Variants in CACNA1C observed in about 807,000 individuals in gnomAD.
CACNA1C encodes the protein voltage-dependent L-type calcium channel subunit alpha-1C.
In CACNA1C, 30 loss-of-function variants were observed where a neutral mutation model predicts 229.0. That is an observed-to-expected ratio of 0.13 (90% CI 0.10 to 0.18). The LOEUF (loss-of-function observed/expected upper bound fraction) is 0.18, where lower values mean the gene tolerates loss of function less well. Among genes scored for constraint, CACNA1C ranks in the 10% least tolerant of loss-of-function variants. The pLI, the probability that CACNA1C is intolerant of heterozygous loss-of-function variation, is 1.00. For missense variants in CACNA1C, 1,658 were observed against 2,845.0 expected (o/e 0.58, Z 9.49); for synonymous variants, 1,114 against 1,132.5 (o/e 0.98, Z 0.33).
chr12:2,547,397 T>C, intron 9 of CACNA1C: 3 of 776,384 alleles, frequency 3.9e-6, no homozygotes, highest in Non-Finnish European at 7.2e-6. Context: ...CTGCGTGTGC[T>C]CTATTGATGT....
At chr12:2,014,934 T>A (rs978772673) in intron 1 of CACNA1C, among the ~76,000 whole-genome samples, 5 of 152,242 alleles carry the variant, frequency 3.3e-5, no homozygotes, top group African/African-American at 1.2e-4. Context: ...AATCCCTTCC[T>A]GCTCACGGAC....
At position 2,543,470 on chromosome 12, in the gene CACNA1C, G is replaced by T. The variant is rs143754200; in HGVS notation, c.1391-6473G>T. ...AACAATTTGGACATTCAGCTTCCTA[G>T]AAGTTTTCCTTGAGGAATCAGCTTT... On this transcript the variant is annotated intron_variant, in intron 9 of 46. Coordinates refer to ENST00000399655, the MANE Select transcript of CACNA1C (RefSeq NM_000719.7). 7.2e-5 allele frequency among the ~76,000 whole-genome samples: 11 copies of T among 152,314 alleles called. No individual in the cohort carries two copies. The East Asian group carries it at 2.1e-3, about 29-fold the overall frequency.
In CACNA1C at chr12:2,692,425, A is replaced by C. The variant is rs929742683; in HGVS notation, c.*1226A>C. ...GTGTGCATATGTCCTGCCCGTGTAT[A>C]TGCACCCACACCATGTGCCCGTGCA... On this transcript the variant is annotated 3_prime_UTR_variant, in exon 47 of 47. Transcript: ENST00000399655. The C allele has an allele frequency of 1.3e-5, 2 of 152,480 alleles. No homozygotes were observed. Among genetic ancestry groups the C allele is most frequent in the Non-Finnish European group, 2.9e-5 (2 of 68,030 alleles). 9.4% of individuals were successfully genotyped at this position (152,480 alleles called of 1,614,324 possible).
intron 5 of CACNA1C, among the ~76,000 whole-genome samples, chr12:2,463,064 C>T (rs2099524381): frequency 2.0e-5 from 3 of 148,002 alleles, no homozygotes; most frequent in Admixed American, 1.4e-4. Context: ...AGGCACCCGC[C>T]ACCACGCCCG....
upstream of CACNA1C, chr12:2,049,118 G>T (rs1423211760): frequency 6.6e-6 from 1 of 152,022 alleles, no homozygotes; most frequent in African/African-American, 2.4e-5. Context: ...CCTTAATATT[G>T]TTCATGTCTA....
rs926178617 is a variant in CACNA1C at position 2,605,544 on chromosome 12, C to T, written c.3049-135C>T. The stretch of plus-strand genomic sequence containing the variant: ...TTAGGGTCCATCACTTCCCATGTGA[C>T]TTTGGGAGCGTGGCTTTGCCCCTCT... On this transcript the variant is annotated intron_variant, in intron 23 of 46. Coordinates refer to ENST00000399655, the MANE Select transcript of CACNA1C (RefSeq NM_000719.7). This position sits in a 1 kb window ranked among gnomAD's most constrained non-coding sequence, Gnocchi z 6.2. 1.3e-4 allele frequency: 92 copies of T among 699,118 alleles called. No homozygotes were observed. The Admixed American group carries it at 2.1e-3, about 16-fold the overall frequency. 43.3% of individuals were successfully genotyped at this position (699,118 alleles called of 1,614,324 possible). A position where few individuals can be genotyped will look rare whatever the true frequency, so the allele number is the denominator to read the frequency against.
intron 3 of CACNA1C, among the ~76,000 whole-genome samples, chr12:2,448,468 T>C (rs2099320983): frequency 6.6e-6 from 1 of 152,212 alleles, no homozygotes; most frequent in South Asian, 2.1e-4. Flanking sequence ...CATTTCTTTG[T>C]GGCTGCATTT....
At chr12:2,542,778 G>T (rs1421137429) in intron 9 of CACNA1C, among the ~76,000 whole-genome samples, 1 of 152,200 alleles carries the variant, frequency 6.6e-6, no homozygotes, top group African/African-American at 2.4e-5. Flanking sequence ...CCTCTCTTGA[G>T]ACATAGAAAT....
At chr12:2,202,893 A>G (rs368423418) in intron 3 of CACNA1C, among the ~76,000 whole-genome samples, 3 of 152,206 alleles carry the variant, frequency 2.0e-5, no homozygotes, top group African/African-American at 4.8e-5. Flanking sequence ...GAGGTCCCCA[A>G]GTCTGCATCC....
intron 3 of CACNA1C, among the ~76,000 whole-genome samples, chr12:2,255,543 T>A (rs2077121976): frequency 6.6e-6 from 1 of 152,172 alleles, no homozygotes; most frequent in African/African-American, 2.4e-5. Flanking sequence ...GCCTCTTCAA[T>A]TAGAACTCTG....
chr12:2,225,181 G>A (rs1181207571), intron 3 of CACNA1C, among the ~76,000 whole-genome samples: 1 of 152,190 alleles, frequency 6.6e-6, no homozygotes, highest in Admixed American at 6.5e-5. Flanking sequence ...AAGATAATGT[G>A]TGGAACGCTG....
intron 3 of CACNA1C, among the ~76,000 whole-genome samples, chr12:2,311,719 C>T (rs1309808905): frequency 6.6e-6 from 1 of 152,178 alleles, no homozygotes; most frequent in African/African-American, 2.4e-5. Context: ...GGTGGGCCTG[C>T]AGAGAAAAAC....
chr12:2,310,784 A>C (rs1237299894), intron 3 of CACNA1C, among the ~76,000 whole-genome samples: 1 of 152,180 alleles, frequency 6.6e-6, no homozygotes, highest in Non-Finnish European at 1.5e-5. Context: ...TGGAGAGCTC[A>C]TGCTCTGAAG....
At chr12:2,052,381 G>A (rs923961467), upstream of CACNA1C, among the ~76,000 whole-genome samples, 1 of 152,024 alleles carries the variant, frequency 6.6e-6, no homozygotes, top group African/African-American at 2.4e-5. Context: ...CAGAATCACG[G>A]AATCACGGCT....
At chr12:2,551,477 T>G (rs1296860070) in intron 10 of CACNA1C, among the ~76,000 whole-genome samples, 1 of 152,122 alleles carries the variant, frequency 6.6e-6, no homozygotes, top group Non-Finnish European at 1.5e-5. Flanking sequence ...GAACGCTGAG[T>G]CACAGTGCCA....
intron 3 of CACNA1C, among the ~76,000 whole-genome samples, chr12:2,151,135 C>T (rs2095218622): frequency 6.6e-6 from 1 of 152,128 alleles, no homozygotes; most frequent in South Asian, 2.1e-4. Context: ...TTCCTATGGC[C>T]ACAACTCAAC....
At chr12:2,506,690 C>G (rs1201754642) in intron 8 of CACNA1C, among the ~76,000 whole-genome samples, 2 of 152,200 alleles carry the variant, frequency 1.3e-5, no homozygotes, top group Non-Finnish European at 2.9e-5. Flanking sequence ...TACAACGTCA[C>G]TTCCCTGGTA....
chr12:2,271,735 C>CAA (rs917762077), intron 3 of CACNA1C, among the ~76,000 whole-genome samples: 1 of 144,936 alleles, frequency 6.9e-6, no homozygotes, highest in African/African-American at 2.5e-5. Flanking sequence ...CCCATCTCTA[C>CAA]AAAAAAAAAA....
intron 3 of CACNA1C, among the ~76,000 whole-genome samples, chr12:2,444,838 T>G (rs1297680165): frequency 1.3e-5 from 2 of 152,128 alleles, no homozygotes; most frequent in African/African-American, 4.8e-5. Context: ...CCAATCCCAC[T>G]ATCTCTACTT....
Sources: gnomAD v4.1 joint callset for allele counts (sites outside exome capture counted in the v4.1 genomes callset) on GRCh38, gnomAD v4.1.1 for gene constraint, Gnocchi (gnomAD v3.1) non-coding constraint, MANE v1.5 for transcripts, NCBI Gene and HGNC (gene_info 2026-07-23, HGNC 2026-07-21) for gene names.